The following SPATA31D1 variants were observed in gnomAD, a reference collection of about 807,000 sequenced individuals.
The protein encoded by SPATA31D1 is spermatogenesis-associated protein 31D1.
In SPATA31D1, 6 loss-of-function variants were observed where a neutral mutation model predicts 13.2. The observed-to-expected ratio is 0.46, with a 90% CI of 0.25 to 0.90. SPATA31D1 has a LOEUF of 0.90. Ranked by LOEUF, SPATA31D1 falls within the 40% of genes least tolerant of loss-of-function variation. SPATA31D1 has a pLI of 0.18. For missense variants in SPATA31D1, 2,445 were observed against 1,884.7 expected, an observed-to-expected ratio of 1.30 and a Z score of -5.50; for synonymous variants, 903 against 718.8, an observed-to-expected ratio of 1.26 and a Z score of -4.10.
In SPATA31D1 at chr9:81,995,162, A is replaced by C. The variant is rs1825073409; in HGVS notation, c.4692A>C (p.Pro1564=). 6.4e-7 allele frequency: 1 copy of C among 1,571,076 alleles called. No individual in the cohort carries two copies. Among genetic ancestry groups the C allele is most frequent in the African/African-American group, 1.4e-5 (1 of 73,902 alleles). ...TCCTAACTGGACAGAAAATGCTTCC[A>C]AAGCATTTACAGGGAGGAAAATTTC... ...VPFLTGQKML[P]KHLQGGKFPP... is the part of the protein sequence containing the mutation. The change falls in exon 4 of 4, where the codon CCA becomes CCC. Residue 1564 remains proline, a synonymous_variant. Coordinates refer to ENST00000344803, the MANE Select transcript of SPATA31D1 (RefSeq NM_001001670.3).
rs1564172308 is a variant in SPATA31D1 at position 81,989,013 on chromosome 9, C to A, written c.186+9C>A. On this transcript the variant is annotated intron_variant, in intron 1 of 3. Transcript: ENST00000344803. ...ATAATGACATCCAAAAGGTAAGGAA[C>A]TGTGGGTGAACACCCAAGAGAGATG... The A allele has an allele frequency of 6.2e-7, 1 of 1,611,232 alleles. No homozygotes were observed. The highest frequency in any genetic ancestry group is 8.5e-7 in the Non-Finnish European group (1 of 1,179,402).
chr9:81,995,207 T>C lies in SPATA31D1; in HGVS notation c.*6T>C. 6.7e-7 allele frequency: 1 copy of C among 1,501,610 alleles called. No individual in the cohort carries two copies. The highest frequency in any genetic ancestry group is 8.9e-7 in the Non-Finnish European group (1 of 1,124,502). The allele number at this position is 1,501,610 out of a possible 1,614,324, so 93.0% of individuals were successfully genotyped here. ...AATTTCCCCCCACAAAATAATTCACTCCTTGTTGAGAATCTTGATTCTCCC... is the reference window on the plus strand; with the variant it reads ...AATTTCCCCCCACAAAATAATTCACCCCTTGTTGAGAATCTTGATTCTCCC... On this transcript the variant is annotated 3_prime_UTR_variant, in exon 4 of 4. Coordinates refer to ENST00000344803, the MANE Select transcript of SPATA31D1 (RefSeq NM_001001670.3).
chr9:81,988,986 AAAT>A lies in SPATA31D1; in HGVS notation c.172_174del (p.Asn58del), dbSNP rs777628579. The A allele has an allele frequency of 1.2e-6, 2 of 1,611,852 alleles. No homozygotes were observed. The highest frequency in any genetic ancestry group is 2.2e-5 in the East Asian group (1 of 44,862). On this transcript the variant is annotated inframe_deletion, in exon 1 of 4. Coordinates refer to ENST00000344803, the MANE Select transcript of SPATA31D1 (RefSeq NM_001001670.3). ...CCCTGTATTCGTCACCCACCGAAAAAAATAATGACATCCAAAAGGTAAGGAACT... is the reference window on the plus strand; with the variant it reads ...CCCTGTATTCGTCACCCACCGAAAAAAATGACATCCAAAAGGTAAGGAACT...
Position 81,993,508 on chromosome 9 carries a change from T to C in SPATA31D1, c.3038T>C (p.Ile1013Thr). 1 of 1,613,232 alleles carries C rather than the reference T, an allele frequency of 6.2e-7. No homozygotes were observed. Among genetic ancestry groups the C allele is most frequent in the East Asian group, 2.2e-5 (1 of 44,810 alleles). The change falls in exon 4 of 4, where the codon ATA (isoleucine) becomes ACA (threonine). Residue 1013 changes from isoleucine to threonine, a missense_variant. By Grantham distance (89) the Ile-to-Thr change is moderately conservative. Coordinates refer to ENST00000344803, the MANE Select transcript of SPATA31D1 (RefSeq NM_001001670.3). ...RQFSDTDHDL[I>T]ETDSKDGAST... is the part of the protein sequence containing the mutation. ...TTTTCTGATACTGACCATGACCTTA[T>C]AGAGACAGATTCCAAAGACGGGGCC... is the stretch of plus-strand genomic sequence containing the variant.
chr9:81,991,046 C>T lies in SPATA31D1; in HGVS notation c.576C>T (p.Ala192=). Residue 192 remains alanine, a synonymous_variant, in exon 4 of 4, where the codon GCC becomes GCT. Transcript: ENST00000344803. ...TAATACTGTCCCCTCGGCCTAAGGC[C>T]TCTCCACCACCCCCCTTAATTCTCT... ...EDLILSPRPK[A]SPPPPLILSP... is the part of the protein sequence containing the mutation. The T allele has an allele frequency of 1.2e-6, 2 of 1,613,738 alleles. No homozygotes were observed. Among genetic ancestry groups the T allele is most frequent in the Middle Eastern group, 1.7e-4 (1 of 6,056 alleles).
At chr9:81,989,287 C>T (rs1335903087) in intron 1 of SPATA31D1, among the ~76,000 whole-genome samples, 1 of 152,152 alleles carries the variant, frequency 6.6e-6, no homozygotes, top group African/African-American at 2.4e-5. Flanking sequence ...ATTCTGTGGT[C>T]CCAGGTGGGA....
chr9:81,990,795 A>C lies in SPATA31D1; in HGVS notation c.325A>C (p.Ser109Arg). 6.2e-7 allele frequency: 1 copy of C among 1,612,302 alleles called. No individual in the cohort carries two copies. Among genetic ancestry groups the C allele is most frequent in the Non-Finnish European group, 8.5e-7 (1 of 1,179,144 alleles). Residue 109 changes from serine to arginine, a missense_variant, in exon 4 of 4, where the codon AGT (serine) becomes CGT (arginine). Ser to Arg is a moderately radical substitution (Grantham distance 110). Transcript: ENST00000344803. ...CAGCTTTGGACCTCCTGTTTCCTGC[A>C]GTCCTCGGGGCCAGCATCATGATAC... ...LKSFGPPVSC[S>R]PRGQHHDTNH... is the part of the protein sequence containing the mutation.
Position 81,993,342 on chromosome 9 carries a change from G to T in SPATA31D1, c.2872G>T (p.Asp958Tyr), listed in dbSNP as rs764957358. The change falls in exon 4 of 4, where the codon GAT becomes TAT. Residue 958 changes from aspartate to tyrosine, a missense_variant. Asp to Tyr is a radical substitution (Grantham distance 160). Transcript: ENST00000344803. The part of the protein sequence containing the change: ...ATFISQGDSK[D>Y]GVSKSRSRST... ...CTTCATCTCTCAGGGAGATTCCAAA[G>T]ATGGGGTCTCTAAGTCCCGTAGTCG... is the stretch of plus-strand genomic sequence containing the variant. 1.2e-6 allele frequency: 2 copies of T among 1,613,906 alleles called. No homozygotes were observed. The highest frequency in any genetic ancestry group is 3.3e-5 in the Admixed American group (2 of 60,020).
upstream of SPATA31D1, among the ~76,000 whole-genome samples, chr9:81,987,953 C>G (rs749452679): frequency 5.3e-5 from 8 of 152,168 alleles, no homozygotes; most frequent in Non-Finnish European, 1.2e-4. Context: ...CAACCAACTC[C>G]CCACAAATGT....
chr9:81,989,315 G>C (rs965083983), intron 1 of SPATA31D1, among the ~76,000 whole-genome samples: 1 of 152,172 alleles, frequency 6.6e-6, no homozygotes, highest in African/African-American at 2.4e-5. Flanking sequence ...GAGATTGTGG[G>C]CTCTCTGAAG....
In SPATA31D1 at chr9:81,992,684, G is replaced by T; in HGVS notation, c.2214G>T (p.Glu738Asp). Residue 738 changes from glutamate (E) to aspartate (D), a missense_variant, in exon 4 of 4, where the codon GAG (glutamate) becomes GAT (aspartate). Glu to Asp is a conservative substitution (Grantham distance 45). Transcript: ENST00000344803. ...GACCGTTAAATATCTCTTTGGTTGA[G>T]GGTCAGAGGTGCAATGTTCTAAAGA... Reference protein sequence around the residue: ...IHGPLNISLVEGQRCNVLKKS... With the variant: ...IHGPLNISLVDGQRCNVLKKS... 6.2e-7 allele frequency: 1 copy of T among 1,613,818 alleles called. No individual in the cohort carries two copies. Among genetic ancestry groups the T allele is most frequent in the Middle Eastern group, 1.7e-4 (1 of 6,054 alleles).
Position 81,994,163 on chromosome 9 carries a change from C to G in SPATA31D1, c.3693C>G (p.Asn1231Lys), listed in dbSNP as rs1825044661. Residue 1231 changes from asparagine (N) to lysine (K), a missense_variant, in exon 4 of 4, where the codon AAC becomes AAG. Transcript: ENST00000344803. The part of the protein sequence containing the change: ...HFTDMSFALD[N>K]LSSKDLLTNS... ...CTGACATGTCTTTTGCCTTAGATAA[C>G]TTGAGTTCCAAGGACTTACTGACTA... 1 of 1,614,022 alleles carries G rather than the reference C, an allele frequency of 6.2e-7. No homozygotes were observed. Among genetic ancestry groups the G allele is most frequent in the Non-Finnish European group, 8.5e-7 (1 of 1,179,896 alleles).
chr9:81,993,812 G>T lies in SPATA31D1; in HGVS notation c.3342G>T (p.Glu1114Asp), dbSNP rs776094831. Reference protein sequence around the residue: ...QTVLASRCSAELPIMQAGAGC... With the variant: ...QTVLASRCSADLPIMQAGAGC... ...TACTGGCCAGTAGATGCAGCGCAGAGCTGCCCATAATGCAAGCTGGAGCTG... is the reference window on the plus strand; with the variant it reads ...TACTGGCCAGTAGATGCAGCGCAGATCTGCCCATAATGCAAGCTGGAGCTG... The change falls in exon 4 of 4, where the codon GAG (glutamate) becomes GAT (aspartate). Residue 1114 changes from glutamate (E) to aspartate (D), a missense_variant. By Grantham distance (45) the Glu-to-Asp change is conservative. Transcript: ENST00000344803. 1 of 1,614,010 alleles carries T rather than the reference G, an allele frequency of 6.2e-7. No homozygotes were observed. The highest frequency in any genetic ancestry group is 8.5e-7 in the Non-Finnish European group (1 of 1,179,904).
Position 81,991,475 on chromosome 9 carries a change from G to A in SPATA31D1, c.1005G>A (p.Gly335=). The A allele has an allele frequency of 1.2e-6, 2 of 1,613,964 alleles. No homozygotes were observed. The highest frequency in any genetic ancestry group is 1.7e-6 in the Non-Finnish European group (2 of 1,179,892). ...TGTTATCTCTAGGTGGCTCTGGTGG[G>A]TCATCCACCTCTGCCCCAACAATCA... ...PEMLSLGGSG[G]SSTSAPTIKG... Residue 335 remains glycine (G), a synonymous_variant, in exon 4 of 4, where the codon GGG becomes GGA. Coordinates refer to ENST00000344803, the MANE Select transcript of SPATA31D1 (RefSeq NM_001001670.3).
rs1825057548 is a variant in SPATA31D1, at chr9:81,994,619, A to G, written c.4149A>G (p.Ser1383=). 3.1e-6 allele frequency: 5 copies of G among 1,613,270 alleles called. No individual in the cohort carries two copies. The highest frequency in any genetic ancestry group is 1.1e-5 in the South Asian group (1 of 90,872). ...GGGAAAAGGGTAGCTCCCTGTCATC[A>G]TGTGTGCAGAATATTGGTCGAGTTA... ...SSWEKGSSLS[S]CVQNIGRVIR... The change falls in exon 4 of 4, where the codon TCA becomes TCG. Residue 1383 remains serine, a synonymous_variant. Coordinates refer to ENST00000344803, the MANE Select transcript of SPATA31D1 (RefSeq NM_001001670.3).
intron 1 of SPATA31D1, among the ~76,000 whole-genome samples, chr9:81,989,413 C>T (rs1207752747): frequency 2.0e-5 from 3 of 152,138 alleles, no homozygotes; most frequent in Non-Finnish European, 4.4e-5. Flanking sequence ...TTGGGCTGAC[C>T]AGAGGAGTAA....
In SPATA31D1 at chr9:81,995,008, G is replaced by A. The variant is rs1564176551; in HGVS notation, c.4538G>A (p.Ser1513Asn). The A allele has an allele frequency of 3.1e-6, 5 of 1,613,980 alleles. No individual in the cohort carries two copies. Among genetic ancestry groups the A allele is most frequent in the South Asian group, 2.2e-5 (2 of 91,072 alleles). Residue 1513 changes from serine to asparagine, a missense_variant, in exon 4 of 4, where the codon AGC (serine) becomes AAC (asparagine). Coordinates refer to ENST00000344803, the MANE Select transcript of SPATA31D1 (RefSeq NM_001001670.3). ...TTTAAGGGGAAGATACTGTGTCAAA[G>A]CCATCCCCAATCCATGCCCCACAGG... ...EAFKGKILCQ[S>N]HPQSMPHRKP...
In SPATA31D1 at chr9:81,993,398, A is replaced by C; in HGVS notation, c.2928A>C (p.Thr976=). 1 of 1,613,978 alleles carries C rather than the reference A, an allele frequency of 6.2e-7. No homozygotes were observed. The highest frequency in any genetic ancestry group is 8.5e-7 in the Non-Finnish European group (1 of 1,179,902). ...RSTFQGEKLG[T]TSSVPILDRP... ...CTTTTCAAGGAGAAAAGTTGGGAAC[A>C]ACAAGCTCAGTCCCCATCCTTGATC... Residue 976 remains threonine (T), a synonymous_variant, in exon 4 of 4, where the codon ACA becomes ACC. Transcript: ENST00000344803.
At chr9:81,990,270 T>G (rs1587527222) in intron 2 of SPATA31D1, 147 bp from the exon 3 acceptor site, 2 of 619,530 alleles carry the variant, frequency 3.2e-6, no homozygotes, top group East Asian at 5.5e-5. Flanking sequence ...CATACACATG[T>G]GAACTTGTGA....
Sources: allele counts gnomAD v4.1 joint callset (sites outside exome capture counted in the v4.1 genomes callset), GRCh38; gene constraint gnomAD v4.1.1; transcripts MANE v1.5; gene names NCBI Gene and HGNC (gene_info 2026-07-23, HGNC 2026-07-21).